G3BP2: variants seen among roughly 807,000 people sequenced by gnomAD.
G3BP2 encodes the protein G3BP stress granule assembly factor 2, also known as ras GTPase-activating protein-binding protein 2.
Under a neutral mutation model 56.7 loss-of-function variants are expected in G3BP2, and 11 were observed. The ratio of observed to expected loss-of-function variants is 0.19; its 90% CI spans 0.12 to 0.32. The LOEUF (loss-of-function observed/expected upper bound fraction) is 0.32, where lower values mean the gene tolerates loss of function less well. Ranked by LOEUF, G3BP2 falls within the 10% of genes least tolerant of loss-of-function variation. G3BP2 has a pLI of 1.00. For synonymous variants in G3BP2, 165 were observed against 191.6 expected (o/e 0.86, Z 1.15); for missense variants, 340 against 610.9 (o/e 0.56, Z 4.67).
chr4:75,652,783 G>A (rs1731802001), intron 8 of G3BP2, among the ~76,000 whole-genome samples: 1 of 152,164 alleles, frequency 6.6e-6, no homozygotes, highest in African/African-American at 2.4e-5. Flanking sequence ...TACCCACCCT[G>A]ACAGGGTGGT....
At chr4:75,678,297 TGTGTGTGTGTGTGTG>T (rs988997056), upstream of G3BP2, among the ~76,000 whole-genome samples, 9 of 3,642 alleles carry the variant, frequency 2.5e-3, no homozygotes, top group Non-Finnish European at 4.2e-3. Context: ...GTGCCTAGCT[TGTGTGTGTGTGTGTG>T]TGTGTGTGTG....
At chr4:75,654,362 AC>A (rs2148971329) in intron 7 of G3BP2, among the ~76,000 whole-genome samples, 1 of 152,356 alleles carries the variant, frequency 6.6e-6, no homozygotes, top group East Asian at 1.9e-4. Context: ...AAAACCACTA[AC>A]AAACATGCTA....
chr4:75,685,754 C>T (rs1198143480), intron 3 of G3BP2, among the ~76,000 whole-genome samples: 2 of 152,132 alleles, frequency 1.3e-5, no homozygotes, highest in Non-Finnish European at 2.9e-5. Context: ...ATGGTCATAA[C>T]GCAGACATCA....
intron 1 of G3BP2, among the ~76,000 whole-genome samples, chr4:75,667,422 A>G (rs1189198811): frequency 2.0e-5 from 3 of 152,218 alleles, no homozygotes; most frequent in African/African-American, 7.2e-5. Flanking sequence ...CTCACCTAAC[A>G]ACCTTTTTAG....
chr4:75,657,763 C>G (rs1469810946), intron 3 of G3BP2, 33 bp from the exon 4 acceptor site: 1 of 1,321,490 alleles, frequency 7.6e-7, no homozygotes, highest in Admixed American at 1.8e-5. Context: ...AATATAAACT[C>G]TGTGATACTG....
chr4:75,673,369 C>CCCGGGCG lies in G3BP2; in HGVS notation c.-193_-187dup, dbSNP rs535581838. The CCCGGGCG allele has an allele frequency of 8.1e-7, 1 of 1,231,958 alleles. No individual in the cohort carries two copies. Among genetic ancestry groups the CCCGGGCG allele is most frequent in the South Asian group, 4.1e-5 (1 of 24,306 alleles). The allele number at this position is 1,231,958 out of a possible 1,614,324, so 76.3% of individuals were successfully genotyped here. A position where few individuals can be genotyped will look rare whatever the true frequency, so the allele number is the denominator to read the frequency against. On this transcript the variant is annotated 5_prime_UTR_variant, in exon 1 of 12. Transcript: ENST00000359707. ...TTCGTCTGCCTCACAACCACCTCTT[C>CCCGGGCG]CCGGGCGCCAGGCGCTGCGACGTGC...
chr4:75,666,400 T>C (rs1006070011), intron 1 of G3BP2, among the ~76,000 whole-genome samples: 5 of 152,334 alleles, frequency 3.3e-5, no homozygotes, highest in Middle Eastern at 6.8e-3. Flanking sequence ...GCTGAGCTTT[T>C]AAGGTGCAGA....
chr4:75,673,776 A>G, upstream of G3BP2: 2 of 403,532 alleles, frequency 5.0e-6, no homozygotes, highest in Non-Finnish European at 8.1e-6. Flanking sequence ...CCTTTTTATT[A>G]ATGGGAAGGA....
chr4:75,656,621 T>C (rs1184726429), intron 5 of G3BP2, among the ~76,000 whole-genome samples: 2 of 152,166 alleles, frequency 1.3e-5, no homozygotes, highest in Non-Finnish European at 2.9e-5. Flanking sequence ...TAATTCCACA[T>C]TTATAAAAAT....
upstream of G3BP2, among the ~76,000 whole-genome samples, chr4:75,677,570 CAAAAAAT>C (rs1196289337): frequency 1.5e-3 from 230 of 149,196 alleles, 1 homozygote; most frequent in African/African-American, 5.6e-3. Flanking sequence ...GACTCTGTCT[CAAAAAAT>C]AAAAAATAAA....
Position 75,662,224 on chromosome 4 carries a change from T to A in G3BP2, c.-24-175A>T, listed in dbSNP as rs1732620733. ...ACCATCAGACTAACCTGAAATAATT[T>A]TTTTTTTTTTTTTTTGAGACGGAGT... On this transcript the variant is annotated intron_variant, in intron 1 of 11. Coordinates refer to ENST00000359707, the MANE Select transcript of G3BP2 (RefSeq NM_203505.3). 9 of 221,674 alleles carry A rather than the reference T, an allele frequency of 4.1e-5. No individual in the cohort carries two copies. The South Asian group carries it at 1.1e-3, about 27-fold the overall frequency. The allele number at this position is 221,674 out of a possible 1,614,324, so 13.7% of individuals were successfully genotyped here. A position where few individuals can be genotyped will look rare whatever the true frequency, so the allele number is the denominator to read the frequency against.
intron 1 of G3BP2, 52 bp downstream of exon 1, chr4:75,673,156 A>C: frequency 3.5e-6 from 4 of 1,145,040 alleles, no homozygotes; most frequent in Non-Finnish European, 3.2e-6. Context: ...CGCGAATGGA[A>C]TGTCCCTTTC....
chr4:75,680,746 C>T (rs976515144), intron 3 of G3BP2, among the ~76,000 whole-genome samples: 4 of 152,134 alleles, frequency 2.6e-5, no homozygotes, highest in Non-Finnish European at 5.9e-5. Context: ...GCGGGCGGAT[C>T]GCGAGGTCAA....
At chr4:75,691,261 G>A (rs1718844789) in intron 3 of G3BP2, among the ~76,000 whole-genome samples, 2 of 152,056 alleles carry the variant, frequency 1.3e-5, no homozygotes, top group Admixed American at 1.3e-4. Flanking sequence ...TGTATTTTTA[G>A]TAGAGACCGC....
chr4:75,666,304 T>C (rs1389372940), intron 1 of G3BP2, among the ~76,000 whole-genome samples: 2 of 152,194 alleles, frequency 1.3e-5, no homozygotes, highest in African/African-American at 2.4e-5. Context: ...AGGCAGTAAC[T>C]TGAAAAGTTA....
chr4:75,674,719 T>TATATA (rs57822618), upstream of G3BP2, among the ~76,000 whole-genome samples: 411 of 50,732 alleles, frequency 8.1e-3, 1 homozygote, highest in East Asian at 0.014. Context: ...TATATATATA[T>TATATA]TTTTTTTTTT....
At chr4:75,665,915 T>C (rs942842198) in intron 1 of G3BP2, among the ~76,000 whole-genome samples, 4 of 152,212 alleles carry the variant, frequency 2.6e-5, no homozygotes, top group Non-Finnish European at 5.9e-5. Context: ...AGAAATACTA[T>C]TAGGAATTTC....
At chr4:75,676,742 T>C (rs1363819075), upstream of G3BP2, among the ~76,000 whole-genome samples, 1 of 152,232 alleles carries the variant, frequency 6.6e-6, no homozygotes, top group African/African-American at 2.4e-5. Flanking sequence ...GCTTCCACTC[T>C]TATTCCACTA....
chr4:75,647,892 G>A (rs1429912563), intron 9 of G3BP2, among the ~76,000 whole-genome samples: 1 of 152,126 alleles, frequency 6.6e-6, no homozygotes, highest in Non-Finnish European at 1.5e-5. Flanking sequence ...CATTCTTACA[G>A]AGTTCAAATA....
Sources: allele counts gnomAD v4.1 joint callset (sites outside exome capture counted in the v4.1 genomes callset), GRCh38; gene constraint gnomAD v4.1.1; transcripts MANE v1.5; gene names NCBI Gene and HGNC (gene_info 2026-07-23, HGNC 2026-07-21).